The following SRBD1 variants were observed in gnomAD, a reference collection of about 807,000 sequenced individuals.
SRBD1 encodes S1 RNA binding domain 1, also known as S1 RNA-binding domain-containing protein 1.
In SRBD1, 88 loss-of-function variants were observed where a neutral mutation model predicts 115.3. The ratio of observed to expected loss-of-function variants is 0.76; its 90% confidence interval spans 0.64 to 0.91. The LOEUF is 0.91. SRBD1 is among the 40% of genes least tolerant of loss of function. SRBD1 has a pLI of 0.00. For synonymous variants in SRBD1, 509 were observed against 407.7 expected (o/e 1.25, Z -2.99); for missense variants, 1,385 against 1,177.4 (o/e 1.18, Z -2.58).
rs896462374 is a variant in SRBD1 at position 45,587,136 on chromosome 2, A to T, written c.649-1362T>A. Among the ~76,000 whole-genome samples the T allele has an allele frequency of 1.3e-3, 166 of 131,012 alleles. 6 individuals carry two copies. Among genetic ancestry groups the T allele is most frequent in the East Asian group, 8.1e-4 (4 of 4,956 alleles). The allele number at this position is 131,012 out of a possible 152,430, so 85.9% of individuals were successfully genotyped here. On this transcript the variant is annotated intron_variant, in intron 4 of 20. Coordinates refer to ENST00000263736, the MANE Select transcript of SRBD1 (RefSeq NM_018079.5). The stretch of plus-strand genomic sequence containing the variant: ...AAATATAATTATTAAAATATTTAAA[A>T]TTTTTTAAATATTTAATTATTTTAA...
chr2:45,480,275 T>A (rs776484026), intron 15 of SRBD1, among the ~76,000 whole-genome samples: 1 of 152,194 alleles, frequency 6.6e-6, no homozygotes, highest in Non-Finnish European at 1.5e-5. Context: ...TGTAAGGCTA[T>A]AGCTGCCATA....
intron 9 of SRBD1, among the ~76,000 whole-genome samples, chr2:45,564,075 T>C (rs1005040176): frequency 2.0e-5 from 3 of 152,102 alleles, no homozygotes; most frequent in African/African-American, 7.2e-5. Context: ...TCCAGAAATA[T>C]ATAAGAAGGA....
intron 14 of SRBD1, among the ~76,000 whole-genome samples, chr2:45,511,220 A>G (rs1402099456): frequency 6.6e-6 from 1 of 152,198 alleles, no homozygotes; most frequent in Non-Finnish European, 1.5e-5. Flanking sequence ...CTCTAAGAAA[A>G]ACATTTCCTG....
chr2:45,420,003 T>C, intron 16 of SRBD1, 109 bp from the exon 17 acceptor site: 1 of 972,442 alleles, frequency 1.0e-6, no homozygotes. Context: ...CATGGTAAAT[T>C]TCTTCATTCC....
chr2:45,542,852 AAT>A lies in SRBD1; in HGVS notation c.1874+3878_1874+3879del, dbSNP rs1671991072. On this transcript the variant is annotated intron_variant, in intron 14 of 20. Transcript: ENST00000263736. ...CTAATTGTGATACAGCCAAACAATG[AAT>A]ACTGTTCAGGAATAAAAAGAACCAC... Among the ~76,000 whole-genome samples, 3 of 152,358 alleles carry A rather than the reference AAT, an allele frequency of 2.0e-5. No individual in the cohort carries two copies. The South Asian group carries it at 6.2e-4, about 32-fold the overall frequency.
intron 16 of SRBD1, chr2:45,447,808 C>T (rs181050094): frequency 6.6e-6 from 1 of 152,110 alleles, no homozygotes; most frequent in Non-Finnish European, 1.5e-5. Flanking sequence ...CAGAATTACA[C>T]ATTTTAAGCT....
intron 14 of SRBD1, among the ~76,000 whole-genome samples, chr2:45,534,606 T>C (rs1332270478): frequency 1.3e-5 from 2 of 151,972 alleles, no homozygotes; most frequent in East Asian, 3.8e-4. Flanking sequence ...TTTATGGTTT[T>C]TATCATTCCT....
intron 16 of SRBD1, among the ~76,000 whole-genome samples, chr2:45,455,219 C>G (rs1432948912): frequency 6.6e-6 from 1 of 151,842 alleles, no homozygotes; most frequent in Admixed American, 6.6e-5. Context: ...TAGTAAATTT[C>G]TATAAGGGTG....
chr2:45,418,566 GA>G, intron 17 of SRBD1, 25 bp from the exon 18 acceptor site: 3 of 1,478,642 alleles, frequency 2.0e-6, no homozygotes, highest in South Asian at 1.2e-5. Flanking sequence ...TAAGCAAACT[GA>G]AAAAAAGATC....
At chr2:45,551,754 G>A (rs1481484572) in intron 11 of SRBD1, among the ~76,000 whole-genome samples, 4 of 152,074 alleles carry the variant, frequency 2.6e-5, no homozygotes, top group African/African-American at 7.2e-5. Context: ...GACAGAAGTA[G>A]AGGCAAGAAA....
intron 1 of SRBD1, among the ~76,000 whole-genome samples, chr2:45,605,678 C>G (rs1287967693): frequency 6.6e-6 from 1 of 152,096 alleles, no homozygotes; most frequent in African/African-American, 2.4e-5. Context: ...CCAAGGAGGG[C>G]GGATCACCTG....
At chr2:45,549,928 G>A (rs779670629) in intron 12 of SRBD1, among the ~76,000 whole-genome samples, 1 of 151,742 alleles carries the variant, frequency 6.6e-6, no homozygotes, top group Non-Finnish European at 1.5e-5. Context: ...AATTAGATGA[G>A]ATAAACTGGG....
intron 15 of SRBD1, among the ~76,000 whole-genome samples, chr2:45,488,021 T>C (rs1293219943): frequency 2.6e-5 from 4 of 152,228 alleles, no homozygotes; most frequent in Non-Finnish European, 5.9e-5. Flanking sequence ...CTTTCCACTA[T>C]AGAACAGTAG....
intron 20 of SRBD1, among the ~76,000 whole-genome samples, chr2:45,391,050 T>C (rs1666983654): frequency 6.6e-6 from 1 of 152,170 alleles, no homozygotes; most frequent in Non-Finnish European, 1.5e-5. Context: ...AGGCATTGTT[T>C]TTATGCTTGG....
intron 1 of SRBD1, among the ~76,000 whole-genome samples, chr2:45,609,526 T>C (rs1420732663): frequency 6.6e-6 from 1 of 152,200 alleles, no homozygotes; most frequent in Non-Finnish European, 1.5e-5. Flanking sequence ...CACCCCATCC[T>C]TCACTTAGAA....
rs767922341 is a variant in SRBD1, at chr2:45,414,995, T to C, written c.2334-1702A>G. Among the ~76,000 whole-genome samples the C allele has an allele frequency of 3.3e-3, 306 of 92,402 alleles. 33 individuals are homozygous for C. The highest frequency in any genetic ancestry group is 8.5e-3 in the Middle Eastern group (1 of 118). 60.6% of individuals were successfully genotyped at this position (92,402 alleles called of 152,430 possible). On this transcript the variant is annotated intron_variant, in intron 18 of 20. Coordinates refer to ENST00000263736, the MANE Select transcript of SRBD1 (RefSeq NM_018079.5). Reference sequence around the variant, plus strand: ...TGTATATAGTATGTATATACACACATATAGTGTGTATATAGTATGTATATA... The same window carrying C: ...TGTATATAGTATGTATATACACACACATAGTGTGTATATAGTATGTATATA...
At chr2:45,599,228 C>G (rs1455553555) in intron 4 of SRBD1, among the ~76,000 whole-genome samples, 1 of 152,106 alleles carries the variant, frequency 6.6e-6, no homozygotes, top group Non-Finnish European at 1.5e-5. Flanking sequence ...ATAGCAAAGG[C>G]CAAGAGAGGC....
At position 45,574,664 on chromosome 2, in the gene SRBD1, C is replaced by T; in HGVS notation, c.1132G>A (p.Ala378Thr). Residue 378 changes from alanine to threonine, a missense_variant, in exon 8 of 21, where the codon GCT (alanine) becomes ACT (threonine). Physicochemically the swap from Ala to Thr is moderately conservative, Grantham distance 58. Coordinates refer to ENST00000263736, the MANE Select transcript of SRBD1 (RefSeq NM_018079.5). The part of the protein sequence containing the change: ...GVQHILADMI[A>T]KDKDTLDFIR... ...AAGTCAAGCGTGTCTTTGTCTTTAG[C>T]AATCATATCTGCTAAAATATGCTGC... 6.2e-7 allele frequency: 1 copy of T among 1,613,802 alleles called. No homozygotes were observed. Among genetic ancestry groups the T allele is most frequent in the Non-Finnish European group, 8.5e-7 (1 of 1,179,866 alleles).
chr2:45,481,484 G>A (rs1669961802), intron 15 of SRBD1, among the ~76,000 whole-genome samples: 2 of 152,088 alleles, frequency 1.3e-5, no homozygotes, highest in Admixed American at 1.3e-4. Flanking sequence ...TACATTTTGA[G>A]ACAGAGAAGA....
Sources: gnomAD v4.1 joint callset for allele counts (sites outside exome capture counted in the v4.1 genomes callset) on GRCh38, gnomAD v4.1.1 for gene constraint, MANE v1.5 for transcripts, NCBI Gene and HGNC (gene_info 2026-07-23, HGNC 2026-07-21) for gene names.